The following EIF3A variants were observed in gnomAD, a reference collection of about 807,000 sequenced individuals.
The protein encoded by EIF3A is eukaryotic translation initiation factor 3 subunit A.
EIF3A carries 21 observed loss-of-function variants against 186.6 expected under a neutral mutation model. The ratio of observed to expected loss-of-function variants is 0.11; its 90% CI spans 0.08 to 0.16. EIF3A has a LOEUF of 0.16. Among genes scored for constraint, EIF3A ranks in the 10% least tolerant of loss-of-function variants. The pLI, the probability that EIF3A is intolerant of heterozygous loss-of-function variation, is 1.00. For missense variants in EIF3A, 1,306 were observed against 1,796.3 expected (o/e 0.73, Z 4.93); for synonymous variants, 563 against 584.3 (o/e 0.96, Z 0.52).
chr10:119,051,665 A>C (rs1428477833), intron 14 of EIF3A, among the ~76,000 whole-genome samples: 1 of 152,214 alleles, frequency 6.6e-6, no homozygotes, highest in African/African-American at 2.4e-5. Context: ...CAATAAAGCA[A>C]GCAACGCAGA....
chr10:119,051,938 A>C (rs1328593864), intron 14 of EIF3A, among the ~76,000 whole-genome samples: 1 of 152,216 alleles, frequency 6.6e-6, no homozygotes, highest in African/African-American at 2.4e-5. Flanking sequence ...AATGAGTCAT[A>C]ATCTTTTTGC....
intron 8 of EIF3A, 35 bp downstream of exon 8, chr10:119,061,189 G>A: frequency 8.0e-7 from 1 of 1,242,680 alleles, no homozygotes; most frequent in South Asian, 1.3e-5. Context: ...GGCCAACTCT[G>A]TGGTAACAAC....
At position 119,034,328 on chromosome 10, in the gene EIF3A, C is replaced by T. The variant is rs548005300; in HGVS notation, c.*1711G>A. 1 of 166,096 alleles carries T rather than the reference C, an allele frequency of 6.0e-6. No individual in the cohort carries two copies. Among genetic ancestry groups the T allele is most frequent in the East Asian group, 1.9e-4 (1 of 5,194 alleles). 10.3% of individuals were successfully genotyped at this position (166,096 alleles called of 1,614,324 possible). ...TTTGCTGACTCGCCTTGAAATCTAACTCTAACGTAGGCAGCAGTAACTCGT... is the reference window on the plus strand; with the variant it reads ...TTTGCTGACTCGCCTTGAAATCTAATTCTAACGTAGGCAGCAGTAACTCGT... On this transcript the variant is annotated 3_prime_UTR_variant, in exon 22 of 22. Coordinates refer to ENST00000369144, the MANE Select transcript of EIF3A (RefSeq NM_003750.4).
At chr10:119,065,285 TACATCAGA>T (rs1843953360) in intron 7 of EIF3A, 106 bp downstream of exon 7, 1 of 779,246 alleles carries the variant, frequency 1.3e-6, no homozygotes, top group Non-Finnish European at 2.1e-6. Context: ...TCCCTGTCCA[TACATCAGA>T]ACCCTTGGCA....
Position 119,047,067 on chromosome 10 carries a change from A to G in EIF3A, c.2658+2734T>C, listed in dbSNP as rs558275338. 4.6e-5 allele frequency among the ~76,000 whole-genome samples: 7 copies of G among 152,330 alleles called. No individual in the cohort carries two copies. The South Asian group carries it at 1.5e-3, about 32-fold the overall frequency. On this transcript the variant is annotated intron_variant, in intron 17 of 21. Transcript: ENST00000369144. Reference sequence around the variant, plus strand: ...TGGACCACGAGGTCAGGAGTTCAAGACCAGCCAGGCCAACATAGTGAAAAA... The same window carrying G: ...TGGACCACGAGGTCAGGAGTTCAAGGCCAGCCAGGCCAACATAGTGAAAAA...
chr10:119,059,441 T>A, intron 10 of EIF3A, 44 bp from the exon 11 acceptor site: 1 of 1,433,050 alleles, frequency 7.0e-7, no homozygotes, highest in Non-Finnish European at 9.5e-7. Context: ...CAAGTAAGCA[T>A]GAAGTCAAAA....
intron 6 of EIF3A, among the ~76,000 whole-genome samples, chr10:119,068,792 G>A (rs1370575157): frequency 2.0e-5 from 3 of 151,706 alleles, no homozygotes; most frequent in Non-Finnish European, 2.9e-5. Flanking sequence ...GGCCAATATG[G>A]TAAAACTCTG....
At chr10:119,079,018 G>A in intron 1 of EIF3A, among the ~76,000 whole-genome samples, 1 of 152,104 alleles carries the variant, frequency 6.6e-6, no homozygotes. Flanking sequence ...ATGCAGAGTA[G>A]TAATTTCATG....
At chr10:119,067,350 A>G (rs926691216) in intron 6 of EIF3A, among the ~76,000 whole-genome samples, 1 of 152,152 alleles carries the variant, frequency 6.6e-6, no homozygotes, top group Non-Finnish European at 1.5e-5. Context: ...ACACACTCGG[A>G]GCCTGAGGCA....
chr10:119,035,033 C>T lies in EIF3A; in HGVS notation c.*1006G>A, dbSNP rs1848109233. 1 of 152,596 alleles carries T rather than the reference C, an allele frequency of 6.6e-6. No homozygotes were observed. Among genetic ancestry groups the T allele is most frequent in the Admixed American group, 6.5e-5 (1 of 15,280 alleles). The allele number at this position is 152,596 out of a possible 1,614,324, so 9.5% of individuals were successfully genotyped here. ...ACAAAATACTATAACCACAAATCAA[C>T]ACTAAAACAAATTCTGTAAGTATTT... On this transcript the variant is annotated 3_prime_UTR_variant, in exon 22 of 22. Transcript: ENST00000369144.
Position 119,049,057 on chromosome 10 carries a change from G to C in EIF3A, c.2658+744C>G, listed in dbSNP as rs1848320095. Among the ~76,000 whole-genome samples, 3 of 152,194 alleles carry C rather than the reference G, an allele frequency of 2.0e-5. No homozygotes were observed. In the South Asian group the frequency reaches 6.2e-4, roughly 31 times the overall value. ...TGGACAAAACTTTCATGACACGCAT[G>C]CGCAAAAGTATGCTTAAGCCTGTAA... On this transcript the variant is annotated intron_variant, in intron 17 of 21. Coordinates refer to ENST00000369144, the MANE Select transcript of EIF3A (RefSeq NM_003750.4).
chr10:119,039,517 C>A lies in EIF3A; in HGVS notation c.3527-1078G>T, dbSNP rs371143625. Among the ~76,000 whole-genome samples, 28 of 152,064 alleles carry A rather than the reference C, an allele frequency of 1.8e-4. 1 individual carries two copies. The South Asian group carries it at 5.8e-3, about 32-fold the overall frequency. Reference sequence around the variant, plus strand: ...AAAACCACATCTCTACAAAAAAATACAAAAATTAGCTGGGCTTGGTGGTGT... The same window carrying A: ...AAAACCACATCTCTACAAAAAAATAAAAAAATTAGCTGGGCTTGGTGGTGT... On this transcript the variant is annotated intron_variant, in intron 19 of 21. Transcript: ENST00000369144.
rs1171476562 is a variant in EIF3A, at chr10:119,050,557, C to T, written c.2437G>A (p.Glu813Lys). 8.1e-6 allele frequency: 13 copies of T among 1,614,120 alleles called. No individual in the cohort carries two copies. The highest frequency in any genetic ancestry group is 1.1e-5 in the Non-Finnish European group (13 of 1,179,996). The change falls in exon 16 of 22, where the codon GAG becomes AAG. Residue 813 changes from glutamate (E) to lysine (K), a missense_variant. Glu to Lys is a moderately conservative substitution (Grantham distance 56). Transcript: ENST00000369144. ...RITYYREKEE[E>K]EQRRAEEQML... is the part of the protein sequence containing the mutation. Reference sequence around the variant, plus strand: ...TGTTCTTCTGCCCTTCTCTGCTCCTCCTCTTCTTTTTCTCTATAGTATGTT... The same window carrying T: ...TGTTCTTCTGCCCTTCTCTGCTCCTTCTCTTCTTTTTCTCTATAGTATGTT...
At chr10:119,078,855 G>T (rs1157158302) in intron 1 of EIF3A, among the ~76,000 whole-genome samples, 1 of 151,962 alleles carries the variant, frequency 6.6e-6, no homozygotes, top group East Asian at 1.9e-4. Flanking sequence ...TCTTATGAAG[G>T]TTCCAAAAAG....
At chr10:119,064,701 G>C (rs930187033) in intron 7 of EIF3A, among the ~76,000 whole-genome samples, 5 of 151,918 alleles carry the variant, frequency 3.3e-5, no homozygotes, top group African/African-American at 1.2e-4. Context: ...CCAGTGTCAG[G>C]TACTTCTTTT....
intron 6 of EIF3A, 129 bp downstream of exon 6, chr10:119,069,317 C>T: frequency 1.6e-6 from 1 of 628,220 alleles, no homozygotes; most frequent in Non-Finnish European, 2.8e-6. Flanking sequence ...AGCCCCATGA[C>T]TAAGAATTAT....
At chr10:119,072,700 C>G (rs1844098045) in intron 4 of EIF3A, among the ~76,000 whole-genome samples, 190 bp downstream of exon 4, 1 of 152,202 alleles carries the variant, frequency 6.6e-6, no homozygotes, top group Non-Finnish European at 1.5e-5. Flanking sequence ...AGTGATCCAC[C>G]CACCTTGACC....
At chr10:119,053,588 G>T (rs1039160310) in intron 14 of EIF3A, among the ~76,000 whole-genome samples, 1 of 151,644 alleles carries the variant, frequency 6.6e-6, no homozygotes, top group African/African-American at 2.4e-5. Context: ...AGCTAGGCAT[G>T]GTGGTGCATG....
Position 119,042,188 on chromosome 10 carries a change from C to T in EIF3A, c.3332G>A (p.Arg1111Gln), listed in dbSNP as rs759503994. 6.2e-7 allele frequency: 1 copy of T among 1,611,554 alleles called. No individual in the cohort carries two copies. Among genetic ancestry groups the T allele is most frequent in the Non-Finnish European group, 8.5e-7 (1 of 1,179,410 alleles). The change falls in exon 19 of 22, where the codon CGA becomes CAA. Residue 1111 changes from arginine to glutamine, a missense_variant. By Grantham distance (43) the Arg-to-Gln change is conservative. Coordinates refer to ENST00000369144, the MANE Select transcript of EIF3A (RefSeq NM_003750.4). This position sits in a 1 kb window ranked among gnomAD's most constrained non-coding sequence, Gnocchi z 7.8. Reference protein sequence around the residue: ...RGMDDDRGPRRGLDDDRGPWR... With the variant: ...RGMDDDRGPRQGLDDDRGPWR... Reference sequence around the variant, plus strand: ...AGGTCCTCGATCATCATCCAACCCTCGCCTGGGACCCCGGTCATCATCCAT... The same window carrying T: ...AGGTCCTCGATCATCATCCAACCCTTGCCTGGGACCCCGGTCATCATCCAT...
Sources: allele counts gnomAD v4.1 joint callset (sites outside exome capture counted in the v4.1 genomes callset), GRCh38; gene constraint gnomAD v4.1.1; non-coding constraint Gnocchi (gnomAD v3.1); transcripts MANE v1.5; gene names NCBI Gene and HGNC (gene_info 2026-07-23, HGNC 2026-07-21).